Variants in RIMBP2 observed in about 807,000 individuals in gnomAD.
RIMBP2 encodes RIMS-binding protein 2.
RIMBP2 carries 48 observed loss-of-function variants against 118.6 expected under a neutral mutation model. The observed-to-expected ratio is 0.40, with a 90% CI of 0.32 to 0.51. RIMBP2 has a LOEUF of 0.51. Ranked by LOEUF, RIMBP2 falls within the 20% of genes least tolerant of loss-of-function variation. The probability of loss-of-function intolerance (pLI) is 0.41; values close to 1 mark genes in which losing one functional copy is unlikely to be tolerated. For synonymous variants in RIMBP2, 762 were observed against 742.9 expected (o/e 1.03, Z -0.42); for missense variants, 1,551 against 1,768.3 (o/e 0.88, Z 2.20).
chr12:130,472,064 G>A (rs1169728345), intron 5 of RIMBP2: 1 of 152,394 alleles, frequency 6.6e-6, no homozygotes, highest in Non-Finnish European at 1.5e-5. Context: ...TCTCCACAGG[G>A]AAACCAAGGC....
At chr12:130,462,731 C>G (rs2080113482) in intron 6 of RIMBP2, among the ~76,000 whole-genome samples, 1 of 152,222 alleles carries the variant, frequency 6.6e-6, no homozygotes, top group Non-Finnish European at 1.5e-5. Context: ...AAAGCGCAAG[C>G]ACCCTCCTAG....
chr12:130,458,689 CAT>C (rs1197469788), intron 6 of RIMBP2, among the ~76,000 whole-genome samples: 1 of 152,042 alleles, frequency 6.6e-6, no homozygotes, highest in Non-Finnish European at 1.5e-5. Context: ...TTCATTCTAA[CAT>C]GTGACAGGGA....
chr12:130,551,170 G>A (rs1024927650), intron 2 of RIMBP2, among the ~76,000 whole-genome samples: 4 of 152,222 alleles, frequency 2.6e-5, no homozygotes, highest in African/African-American at 9.6e-5. Flanking sequence ...ATTACAAAAA[G>A]GAGGGTGACT....
intron 2 of RIMBP2, among the ~76,000 whole-genome samples, chr12:130,536,246 CATAAAT>C (rs1239060180): frequency 3.3e-5 from 5 of 151,100 alleles, no homozygotes; most frequent in Admixed American, 6.6e-5. Context: ...TACCCATAAA[CATAAAT>C]ATAATTTTGG....
chr12:130,555,413 G>A (rs2056256723), intron 2 of RIMBP2, among the ~76,000 whole-genome samples: 1 of 152,166 alleles, frequency 6.6e-6, no homozygotes, highest in Non-Finnish European at 1.5e-5. Flanking sequence ...CACCGTCCTG[G>A]ACACAGACGG....
chr12:130,485,884 G>A (rs543851673), intron 4 of RIMBP2, among the ~76,000 whole-genome samples: 1 of 152,272 alleles, frequency 6.6e-6, no homozygotes, highest in Admixed American at 6.5e-5. Context: ...GCATTTCTAC[G>A]GTTAATGAAC....
At chr12:130,652,658 T>C (rs2063276095) in intron 1 of RIMBP2, among the ~76,000 whole-genome samples, 1 of 152,216 alleles carries the variant, frequency 6.6e-6, no homozygotes, top group African/African-American at 2.4e-5. Context: ...TATTGTTTTT[T>C]CATTGCTATA....
At chr12:130,665,749 A>AACACAC (rs61043627) in intron 1 of RIMBP2, among the ~76,000 whole-genome samples, 4 of 147,068 alleles carry the variant, frequency 2.7e-5, no homozygotes, top group African/African-American at 1.1e-4. Flanking sequence ...CTGGACCAGA[A>AACACAC]ACACACACAC....
At chr12:130,577,512 A>G (rs2140142022) in intron 2 of RIMBP2, among the ~76,000 whole-genome samples, 1 of 152,276 alleles carries the variant, frequency 6.6e-6, no homozygotes, top group South Asian at 2.1e-4. Context: ...AAGCATGCAG[A>G]GGAAACCGCC....
At chr12:130,654,371 T>C (rs2063343436) in intron 1 of RIMBP2, among the ~76,000 whole-genome samples, 1 of 152,232 alleles carries the variant, frequency 6.6e-6, no homozygotes, top group African/African-American at 2.4e-5. Flanking sequence ...ACAGATACAA[T>C]GCAGCCAGGT....
intron 4 of RIMBP2, among the ~76,000 whole-genome samples, chr12:130,481,826 C>T (rs2082034489): frequency 6.6e-6 from 1 of 152,154 alleles, no homozygotes; most frequent in Non-Finnish European, 1.5e-5. Flanking sequence ...CGAGATCCGC[C>T]CTGACACACT....
chr12:130,516,279 G>T (rs1368548994), intron 3 of RIMBP2, among the ~76,000 whole-genome samples: 1 of 152,172 alleles, frequency 6.6e-6, no homozygotes, highest in Non-Finnish European at 1.5e-5. Flanking sequence ...GTTATTCCTT[G>T]AAATATGCAT....
intron 14 of RIMBP2, 102 bp from the exon 15 acceptor site, chr12:130,428,439 G>T: frequency 8.0e-7 from 1 of 1,245,934 alleles, no homozygotes; most frequent in Non-Finnish European, 1.1e-6. Context: ...GCTGACTCAC[G>T]GGGCTCACAG....
rs774066345 is a variant in RIMBP2, at chr12:130,437,256, C to A, written c.1692G>T (p.Thr564=). 6.3e-7 allele frequency: 1 copy of A among 1,584,058 alleles called. No individual in the cohort carries two copies. The highest frequency in any genetic ancestry group is 1.1e-5 in the South Asian group (1 of 88,560). ...TCCGCAGCCGCACAAGCTCCACGGC[C>A]GTGCTGTCTGCCGTGGGGAAGATGA... The part of the protein sequence containing the change: ...AEVIFPTADS[T]AVELVRLRSL... Residue 564 remains threonine, a synonymous_variant, in exon 13 of 23, where the codon ACG becomes ACT. Transcript: ENST00000690449.
In RIMBP2 at chr12:130,639,104, CT is replaced by C. The variant is rs2062483724; in HGVS notation, c.-351-10649del. ...CTAAAACTGCTCTTTTAATAAAAGC[CT>C]GGCCGGGCACGGTGGCTCACGCCTG... On this transcript the variant is annotated intron_variant, in intron 1 of 22. Transcript: ENST00000690449. Among the ~76,000 whole-genome samples, 13 of 152,232 alleles carry C rather than the reference CT, an allele frequency of 8.5e-5. No homozygotes were observed. In the South Asian group the frequency reaches 2.7e-3, roughly 32 times the overall value.
At chr12:130,547,649 C>A (rs1256895823) in intron 2 of RIMBP2, among the ~76,000 whole-genome samples, 1 of 152,372 alleles carries the variant, frequency 6.6e-6, no homozygotes, top group East Asian at 1.9e-4. Flanking sequence ...CTGAGCTACT[C>A]TGTCACGTCA....
At chr12:130,458,389 G>A (rs756254734) in intron 6 of RIMBP2, among the ~76,000 whole-genome samples, 10 of 152,122 alleles carry the variant, frequency 6.6e-5, no homozygotes, top group Non-Finnish European at 1.5e-4. Context: ...CAAGCCCAGG[G>A]ACAGCTCCGA....
intron 2 of RIMBP2, among the ~76,000 whole-genome samples, chr12:130,574,305 T>A (rs2057922565): frequency 6.6e-6 from 1 of 152,028 alleles, no homozygotes; most frequent in South Asian, 2.1e-4. Flanking sequence ...ACAACCCCCA[T>A]GTTCATCACC....
chr12:130,497,372 G>T (rs750557649), intron 4 of RIMBP2, among the ~76,000 whole-genome samples: 4 of 152,190 alleles, frequency 2.6e-5, no homozygotes, highest in Non-Finnish European at 4.4e-5. Context: ...ACCAGTCCCT[G>T]CCTCTAACTG....
Sources: gnomAD v4.1 joint callset for allele counts (sites outside exome capture counted in the v4.1 genomes callset) on GRCh38, gnomAD v4.1.1 for gene constraint, MANE v1.5 for transcripts, NCBI Gene and HGNC (gene_info 2026-07-23, HGNC 2026-07-21) for gene names.